Variants in CDC42BPA observed in about 807,000 individuals in gnomAD.
CDC42BPA encodes CDC42 binding protein kinase alpha.
Under a neutral mutation model 223.5 loss-of-function variants are expected in CDC42BPA, and 80 were observed. That is an observed-to-expected ratio of 0.36 (90% CI 0.30 to 0.43). The LOEUF is 0.43. Ranked by LOEUF, CDC42BPA falls within the 20% of genes least tolerant of loss-of-function variation. The pLI, the probability that CDC42BPA is intolerant of heterozygous loss-of-function variation, is 1.00. For synonymous variants in CDC42BPA, 694 were observed against 718.6 expected, an observed-to-expected ratio of 0.97 and a Z score of 0.55; for missense variants, 1,743 against 2,099.9, an observed-to-expected ratio of 0.83 and a Z score of 3.32.
At chr1:227,106,468 T>G (rs1685950630) in intron 14 of CDC42BPA, among the ~76,000 whole-genome samples, 1 of 152,198 alleles carries the variant, frequency 6.6e-6, no homozygotes, top group African/African-American at 2.4e-5. Context: ...TTATACTTTT[T>G]TTGTTATTTA....
At chr1:227,094,260 A>G (rs1028860967) in intron 15 of CDC42BPA, among the ~76,000 whole-genome samples, 3 of 152,184 alleles carry the variant, frequency 2.0e-5, no homozygotes, top group Non-Finnish European at 4.4e-5. Flanking sequence ...AAAATGTGAG[A>G]GCAGTCACAT....
intron 1 of CDC42BPA, among the ~76,000 whole-genome samples, chr1:227,284,548 C>T (rs950263602): frequency 2.0e-5 from 3 of 152,302 alleles, no homozygotes; most frequent in Admixed American, 6.5e-5. Context: ...AGAATGTACA[C>T]ATTTTCTTAA....
chr1:227,198,322 G>A (rs1481157875), intron 4 of CDC42BPA, among the ~76,000 whole-genome samples: 1 of 151,652 alleles, frequency 6.6e-6, no homozygotes, highest in Non-Finnish European at 1.5e-5. Flanking sequence ...GTGGGGCACA[G>A]TGGCACACAC....
At chr1:227,046,729 T>C (rs1301770164) in intron 23 of CDC42BPA, among the ~76,000 whole-genome samples, 1 of 152,112 alleles carries the variant, frequency 6.6e-6, no homozygotes, top group Non-Finnish European at 1.5e-5. Context: ...CTCTAGCACA[T>C]TGCTTGAGAA....
intron 17 of CDC42BPA, 73 bp from the exon 18 acceptor site, chr1:227,074,437 T>C (rs1232694701): frequency 9.2e-7 from 1 of 1,084,638 alleles, no homozygotes; most frequent in Middle Eastern, 2.1e-4. Context: ...TTTTAAAGCT[T>C]CCTAAAGAAA....
chr1:227,069,273 A>T (rs1183350937), intron 21 of CDC42BPA: 2 of 152,112 alleles, frequency 1.3e-5, no homozygotes, highest in Non-Finnish European at 2.9e-5. Context: ...AATGATCAAG[A>T]GTTACATAAT....
At chr1:227,014,175 G>T (rs1260233294) in intron 34 of CDC42BPA, among the ~76,000 whole-genome samples, 1 of 151,260 alleles carries the variant, frequency 6.6e-6, no homozygotes, top group Non-Finnish European at 1.5e-5. Flanking sequence ...CCCAGAAAAA[G>T]GTTGAAAAAA....
intron 5 of CDC42BPA, among the ~76,000 whole-genome samples, chr1:227,178,139 G>C (rs1258764789): frequency 6.6e-6 from 1 of 152,142 alleles, no homozygotes; most frequent in Admixed American, 6.5e-5. Flanking sequence ...GGATCATCTT[G>C]AGTTGCTGGT....
intron 28 of CDC42BPA, among the ~76,000 whole-genome samples, chr1:227,030,758 T>C (rs912969745): frequency 3.3e-5 from 5 of 152,120 alleles, no homozygotes; most frequent in African/African-American, 1.2e-4. Flanking sequence ...TTTTGGGAGG[T>C]AAAAATTGTG....
At chr1:227,240,440 GAA>G (rs1335540052) in intron 2 of CDC42BPA, among the ~76,000 whole-genome samples, 3 of 151,774 alleles carry the variant, frequency 2.0e-5, no homozygotes, top group African/African-American at 7.3e-5. Flanking sequence ...AAAAGTCTTC[GAA>G]TAATTAAAAC....
At chr1:227,045,334 T>G (rs952199873) in intron 23 of CDC42BPA, among the ~76,000 whole-genome samples, 2 of 152,242 alleles carry the variant, frequency 1.3e-5, no homozygotes, top group Non-Finnish European at 2.9e-5. Flanking sequence ...GGTAAGTATG[T>G]CATTTCAATT....
intron 35 of CDC42BPA, among the ~76,000 whole-genome samples, chr1:226,998,303 T>G (rs1221408383): frequency 6.6e-6 from 1 of 152,150 alleles, no homozygotes; most frequent in African/African-American, 2.4e-5. Context: ...ACTTTAAATT[T>G]CATATGGAAC....
intron 6 of CDC42BPA, among the ~76,000 whole-genome samples, chr1:227,154,094 A>G (rs984005860): frequency 2.0e-5 from 3 of 151,980 alleles, no homozygotes; most frequent in African/African-American, 7.2e-5. Context: ...TGATAAAGTC[A>G]TATTTACTCA....
intron 35 of CDC42BPA, among the ~76,000 whole-genome samples, chr1:226,996,391 T>C (rs892841870): frequency 6.6e-6 from 1 of 152,218 alleles, no homozygotes; most frequent in Non-Finnish European, 1.5e-5. Flanking sequence ...GGTTTTCTAA[T>C]ACAATCATGT....
At chr1:227,241,356 A>C (rs1679981546) in intron 2 of CDC42BPA, among the ~76,000 whole-genome samples, 1 of 152,110 alleles carries the variant, frequency 6.6e-6, no homozygotes, top group Non-Finnish European at 1.5e-5. Context: ...TTACCCAAAG[A>C]AAACAAAAAC....
At chr1:227,011,052 A>C (rs1430892060) in intron 34 of CDC42BPA, 1 of 1,338,816 alleles carries the variant, frequency 7.5e-7, no homozygotes, top group Admixed American at 2.1e-5. Context: ...GGGATGGATA[A>C]GGGAAACCTG....
intron 5 of CDC42BPA, among the ~76,000 whole-genome samples, chr1:227,188,066 G>C (rs1308518130): frequency 6.6e-6 from 1 of 152,098 alleles, no homozygotes; most frequent in African/African-American, 2.4e-5. Flanking sequence ...ACTATGTAAA[G>C]AGAGGAACAG....
chr1:227,306,306 T>A (rs548095313), intron 1 of CDC42BPA, among the ~76,000 whole-genome samples: 68 of 152,264 alleles, frequency 4.5e-4, no homozygotes, highest in African/African-American at 1.6e-3. Flanking sequence ...GTAACCCATT[T>A]GTACATGTTT....
At chr1:227,098,753 T>C (rs1684458726) in intron 15 of CDC42BPA, among the ~76,000 whole-genome samples, 1 of 151,784 alleles carries the variant, frequency 6.6e-6, no homozygotes, top group African/African-American at 2.4e-5. Context: ...CTTGGATTAC[T>C]TCAATCGTCT....
Sources: allele counts gnomAD v4.1 joint callset (sites outside exome capture counted in the v4.1 genomes callset), GRCh38; gene constraint gnomAD v4.1.1; transcripts MANE v1.5; gene names NCBI Gene and HGNC (gene_info 2026-07-23, HGNC 2026-07-21).